Variants in SLC45A4 observed in about 807,000 individuals in gnomAD.
SLC45A4 encodes the protein polyamine-transporter SLC45A4.
A neutral mutation model predicts 63.7 loss-of-function variants in SLC45A4; 32 were observed. The observed-to-expected ratio is 0.50, with a 90% confidence interval of 0.38 to 0.67. The LOEUF (loss-of-function observed/expected upper bound fraction) is 0.67. Among genes scored for constraint, SLC45A4 ranks in the 30% least tolerant of loss-of-function variants. SLC45A4 has a pLI of 0.00. For missense variants in SLC45A4, 1,027 were observed against 1,157.7 expected, an observed-to-expected ratio of 0.89 and a Z score of 1.64; for synonymous variants, 535 against 510.0, an observed-to-expected ratio of 1.05 and a Z score of -0.66.
chr8:141,272,642 G>A (rs1312304298), intron 1 of SLC45A4, among the ~76,000 whole-genome samples: 1 of 152,122 alleles, frequency 6.6e-6, no homozygotes, highest in Non-Finnish European at 1.5e-5. Context: ...TTGCCACACG[G>A]CACCTGCAAG....
chr8:141,233,080 C>T (rs774846096), intron 2 of SLC45A4, among the ~76,000 whole-genome samples: 2 of 152,196 alleles, frequency 1.3e-5, no homozygotes, highest in Non-Finnish European at 2.9e-5. Context: ...GCTAAGTGCG[C>T]GTTAACTTTG....
At chr8:141,272,339 C>T (rs889626936) in intron 1 of SLC45A4, among the ~76,000 whole-genome samples, 2 of 152,220 alleles carry the variant, frequency 1.3e-5, no homozygotes, top group Non-Finnish European at 2.9e-5. Context: ...CACCAGCTCA[C>T]GCGCTACGGC....
In SLC45A4 at chr8:141,212,448, C is replaced by T. The variant is rs1285372787; in HGVS notation, c.2050G>A (p.Gly684Ser). 1.2e-6 allele frequency: 2 copies of T among 1,613,696 alleles called. No individual in the cohort carries two copies. The highest frequency in any genetic ancestry group is 2.7e-5 in the African/African-American group (2 of 74,922). The change falls in exon 8 of 9, where the codon GGC (glycine) becomes AGC (serine). Residue 684 changes from glycine (G) to serine (S), a missense_variant. Coordinates refer to ENST00000517878, the MANE Select transcript of SLC45A4 (RefSeq NM_001286646.2). Reference sequence around the variant, plus strand: ...ACAGTCCCCACGGCGTCGACCACGCCCCCAAGGGCAGAGGCCACCAGGATC... The same window carrying T: ...ACAGTCCCCACGGCGTCGACCACGCTCCCAAGGGCAGAGGCCACCAGGATC... ...SQILVASALGGVVDAVGTVRV... is the reference protein window; with the variant it reads ...SQILVASALGSVVDAVGTVRV...
intron 1 of SLC45A4, among the ~76,000 whole-genome samples, chr8:141,297,113 T>C (rs1830583777): frequency 6.6e-6 from 1 of 152,130 alleles, no homozygotes; most frequent in Non-Finnish European, 1.5e-5. Flanking sequence ...GAAACACCAG[T>C]GAGGGCCTTG....
In SLC45A4 at chr8:141,304,368, G is replaced by A. The variant is rs149002838; in HGVS notation, c.-401+3728C>T. Among the ~76,000 whole-genome samples, 437 of 152,136 alleles carry A rather than the reference G, an allele frequency of 2.9e-3. 3 individuals carry two copies. The highest frequency in any genetic ancestry group is 9.8e-3 in the African/African-American group (406 of 41,500). On this transcript the variant is annotated intron_variant, in intron 1 of 8. Transcript: ENST00000517878. ...GAGGTCAGGAGTTCAAGACCAGCCTGGCCAACATGGTGAAACCCCATTTCT... is the reference window on the plus strand; with the variant it reads ...GAGGTCAGGAGTTCAAGACCAGCCTAGCCAACATGGTGAAACCCCATTTCT...
At chr8:141,292,399 C>T (rs1188166197) in intron 1 of SLC45A4, among the ~76,000 whole-genome samples, 1 of 152,268 alleles carries the variant, frequency 6.6e-6, no homozygotes, top group Non-Finnish European at 1.5e-5. Flanking sequence ...ATGGCCACAG[C>T]TCCCACCCAA....
chr8:141,288,905 A>G (rs1055630552), intron 1 of SLC45A4, among the ~76,000 whole-genome samples: 1 of 152,250 alleles, frequency 6.6e-6, no homozygotes, highest in Non-Finnish European at 1.5e-5. Context: ...CAGCTGGCAC[A>G]GCAGAAGAAC....
chr8:141,275,553 C>CCA (rs1199928608), intron 1 of SLC45A4, among the ~76,000 whole-genome samples: 1 of 151,808 alleles, frequency 6.6e-6, no homozygotes. Context: ...AACCATGACT[C>CCA]CACCTGTGAA....
At chr8:141,245,318 C>T (rs897359097) in intron 2 of SLC45A4, among the ~76,000 whole-genome samples, 14 of 152,268 alleles carry the variant, frequency 9.2e-5, no homozygotes, top group Middle Eastern at 3.4e-3. Flanking sequence ...ACCTCCACCA[C>T]CACCGTTTCG....
chr8:141,292,069 G>A (rs1210610880), intron 1 of SLC45A4, among the ~76,000 whole-genome samples: 1 of 152,216 alleles, frequency 6.6e-6, no homozygotes, highest in Non-Finnish European at 1.5e-5. Flanking sequence ...CGCTAACTTA[G>A]GTATCACAGC....
intron 5 of SLC45A4, 44 bp from the exon 6 acceptor site, chr8:141,217,233 G>A: frequency 6.3e-7 from 1 of 1,588,174 alleles, no homozygotes; most frequent in Non-Finnish European, 8.6e-7. Context: ...CATCTGCTGG[G>A]CCCTCCAGGC....
chr8:141,282,622 C>T (rs1487303933), intron 1 of SLC45A4, among the ~76,000 whole-genome samples: 1 of 152,272 alleles, frequency 6.6e-6, no homozygotes, highest in Non-Finnish European at 1.5e-5. Context: ...TCTGCACTCG[C>T]CTCCCCTTTG....
At chr8:141,275,040 G>A (rs1229496033) in intron 1 of SLC45A4, among the ~76,000 whole-genome samples, 1 of 152,240 alleles carries the variant, frequency 6.6e-6, no homozygotes, top group Non-Finnish European at 1.5e-5. Flanking sequence ...ACTCTACGGG[G>A]CGTGGCGCCG....
intron 1 of SLC45A4, among the ~76,000 whole-genome samples, chr8:141,260,275 T>C (rs993544548): frequency 3.3e-5 from 5 of 152,262 alleles, no homozygotes; most frequent in African/African-American, 4.8e-5. Context: ...ATCCAAGGAA[T>C]GTTATCAACC....
Position 141,212,428 on chromosome 8 carries a change from C to G in SLC45A4, c.2070G>C (p.Gly690=). The G allele has an allele frequency of 6.2e-7, 1 of 1,613,786 alleles. No individual in the cohort carries two copies. Among genetic ancestry groups the G allele is most frequent in the Non-Finnish European group, 8.5e-7 (1 of 1,180,030 alleles). Residue 690 remains glycine, a synonymous_variant, in exon 8 of 9, where the codon GGG becomes GGC. Coordinates refer to ENST00000517878, the MANE Select transcript of SLC45A4 (RefSeq NM_001286646.2). ...CCACCATGGGGATGACGCGGACAGT[C>G]CCCACGGCGTCGACCACGCCCCCAA... ...SALGGVVDAV[G]TVRVIPMVAS... is the part of the protein sequence containing the mutation.
intron 1 of SLC45A4, among the ~76,000 whole-genome samples, chr8:141,282,157 G>T (rs1279134107): frequency 6.6e-6 from 1 of 152,204 alleles, no homozygotes; most frequent in African/African-American, 2.4e-5. Flanking sequence ...AGGACGTCGA[G>T]GATGGAAGGA....
chr8:141,258,453 T>C (rs940859508), intron 1 of SLC45A4, among the ~76,000 whole-genome samples: 1 of 152,250 alleles, frequency 6.6e-6, no homozygotes, highest in African/African-American at 2.4e-5. Flanking sequence ...GAATCACTGA[T>C]GAGCCACAGA....
chr8:141,226,931 C>T (rs11779154), intron 2 of SLC45A4: 144,274 of 152,286 alleles, frequency 0.95, 68,670 homozygotes, highest in East Asian at 1. Flanking sequence ...AAAATAAACA[C>T]TTTTCATCGT....
intron 1 of SLC45A4, among the ~76,000 whole-genome samples, chr8:141,257,425 T>C (rs968959250): frequency 6.6e-6 from 1 of 152,226 alleles, no homozygotes; most frequent in East Asian, 1.9e-4. Context: ...AAACATCAGC[T>C]GGGTTTTGGG....
Sources: gnomAD v4.1 joint callset for allele counts (sites outside exome capture counted in the v4.1 genomes callset) on GRCh38, gnomAD v4.1.1 for gene constraint, MANE v1.5 for transcripts, NCBI Gene and HGNC (gene_info 2026-07-23, HGNC 2026-07-21) for gene names.